The following TMEM204 variants were observed in gnomAD, a reference collection of about 807,000 sequenced individuals.
TMEM204 encodes the protein claudin-like protein 24.
In TMEM204, 15 loss-of-function variants were observed where a neutral mutation model predicts 19.4. The observed-to-expected ratio is 0.77, with a 90% CI of 0.52 to 1.19. The LOEUF is 1.19. TMEM204 is among the 50% of genes most tolerant of loss of function. The pLI is 0.00. For synonymous variants in TMEM204, 161 were observed against 146.0 expected (o/e 1.10, Z -0.74); for missense variants, 287 against 321.2 (o/e 0.89, Z 0.81).
intron 1 of TMEM204, 51 bp downstream of exon 1, chr16:1,534,606 C>T: frequency 6.3e-7 from 1 of 1,597,072 alleles, no homozygotes; most frequent in Non-Finnish European, 8.5e-7. Flanking sequence ...GGCTCGAGGG[C>T]ACATGGGAGA....
At chr16:1,545,668 GGA>G (rs2032110408) in intron 2 of TMEM204, among the ~76,000 whole-genome samples, 1 of 152,230 alleles carries the variant, frequency 6.6e-6, no homozygotes, top group African/African-American at 2.4e-5. Context: ...TGGGCAGTGG[GGA>G]GAGAAGATGC....
Position 1,534,291 on chromosome 16 carries a change from C to T in TMEM204, c.16C>T (p.Leu6Phe), listed in dbSNP as rs370718011. MTVQRLVAAAVLVALV... is the reference protein window; with the variant it reads MTVQRFVAAAVLVALV... ...GGCGTCAGCGATGACCGTGCAGAGA[C>T]TCGTGGCCGCGGCCGTGCTGGTGGC... Residue 6 changes from leucine (L) to phenylalanine (F), a missense_variant, in exon 1 of 3, where the codon CTC (leucine) becomes TTC (phenylalanine). By Grantham distance (22) the Leu-to-Phe change is conservative (BLOSUM62 0). Coordinates refer to ENST00000566264, the MANE Select transcript of TMEM204 (RefSeq NM_024600.6). 12 of 1,612,196 alleles carry T rather than the reference C, an allele frequency of 7.4e-6. No individual in the cohort carries two copies. Among genetic ancestry groups the T allele is most frequent in the African/African-American group, 6.7e-5 (5 of 74,920 alleles).
In TMEM204 at chr16:1,545,359, C is replaced by T. The variant is rs556184262; in HGVS notation, c.436+3283C>T. Among the ~76,000 whole-genome samples, 46 of 152,304 alleles carry T rather than the reference C, an allele frequency of 3.0e-4. 1 individual carries two copies. Among genetic ancestry groups the T allele is most frequent in the African/African-American group, 1.0e-3 (42 of 41,580 alleles). ...TGGCTTTTCTTGCCCCCACAGGCCA[C>T]CTCTCCCCCTCAGTGTCCAACCATC... On this transcript the variant is annotated intron_variant, in intron 2 of 2. Coordinates refer to ENST00000566264, the MANE Select transcript of TMEM204 (RefSeq NM_024600.6).
chr16:1,541,605 A>G (rs554008776), intron 1 of TMEM204: 1 of 582,774 alleles, frequency 1.7e-6, no homozygotes. Flanking sequence ...TCAAGGGTCA[A>G]GTCAGGCAGA....
chr16:1,552,648 CTTTT>C (rs11409894), intron 2 of TMEM204, among the ~76,000 whole-genome samples: 6 of 127,564 alleles, frequency 4.7e-5, no homozygotes, highest in Admixed American at 8.3e-5. Flanking sequence ...AAAGAGAATG[CTTTT>C]TTTTTTTTTT....
chr16:1,544,148 G>T (rs1596335391), intron 2 of TMEM204, among the ~76,000 whole-genome samples: 1 of 150,550 alleles, frequency 6.6e-6, no homozygotes, highest in African/African-American at 2.4e-5. Flanking sequence ...CTCCCGTGTA[G>T]GTGGGATTGC....
upstream of TMEM204, chr16:1,531,053 G>C (rs1439068927): frequency 1.3e-5 from 2 of 152,404 alleles, no homozygotes; most frequent in African/African-American, 4.8e-5. The surrounding 1 kb of genome is among the most constrained non-coding windows in gnomAD (Gnocchi z 4.7). Flanking sequence ...CCTCCTGCTC[G>C]AGGGCACCAG....
At chr16:1,541,874 T>C (rs2031677599) in intron 1 of TMEM204, 47 bp from the exon 2 acceptor site, 1 of 1,511,916 alleles carries the variant, frequency 6.6e-7, no homozygotes, top group African/African-American at 1.4e-5. Context: ...GCGTGGCCTC[T>C]GGAGCCCACC....
intron 2 of TMEM204, among the ~76,000 whole-genome samples, chr16:1,550,258 G>T (rs1398815313): frequency 6.6e-6 from 1 of 152,184 alleles, no homozygotes; most frequent in Non-Finnish European, 1.5e-5. Flanking sequence ...TCTATATTTA[G>T]AAACAGTGTT....
rs1162594473 is a variant in TMEM204, at chr16:1,555,203, G to A, written c.*177G>A. ...GCGTTTACTGTTATGTCGGTCATAT[G>A]TCTGTACGTGTCGTGGGCCAACCTC... On this transcript the variant is annotated 3_prime_UTR_variant, in exon 3 of 3. Coordinates refer to ENST00000566264, the MANE Select transcript of TMEM204 (RefSeq NM_024600.6). 2 of 798,486 alleles carry A rather than the reference G, an allele frequency of 2.5e-6. No homozygotes were observed. Among genetic ancestry groups the A allele is most frequent in the Non-Finnish European group, 3.8e-6 (2 of 522,820 alleles). The allele number at this position is 798,486 out of a possible 1,614,324, so 49.5% of individuals were successfully genotyped here.
In TMEM204 at chr16:1,541,448, C is replaced by T. The variant is rs542529205; in HGVS notation, c.281-473C>T. On this transcript the variant is annotated intron_variant, in intron 1 of 2. Transcript: ENST00000566264. Reference sequence around the variant, plus strand: ...CGCTTGGGGGTCGGGCAGCTGAGCACGCAGGACAGCACGCCTGAGGAGCTG... The same window carrying T: ...CGCTTGGGGGTCGGGCAGCTGAGCATGCAGGACAGCACGCCTGAGGAGCTG... 3.0e-4 allele frequency: 291 copies of T among 985,390 alleles called. 3 individuals are homozygous for T. The South Asian group carries it at 9.5e-3, about 32-fold the overall frequency. The allele number at this position is 985,390 out of a possible 1,614,324, so 61.0% of individuals were successfully genotyped here.
chr16:1,534,937 G>C (rs2030911908), intron 1 of TMEM204, among the ~76,000 whole-genome samples: 1 of 152,186 alleles, frequency 6.6e-6, no homozygotes. Context: ...GGGCGCAGTG[G>C]TTCACGTCTG....
chr16:1,529,219 CA>C (rs1233550694), upstream of TMEM204, among the ~76,000 whole-genome samples: 1 of 152,234 alleles, frequency 6.6e-6, no homozygotes, highest in Non-Finnish European at 1.5e-5. Flanking sequence ...GTCTTAGCAG[CA>C]ACCAACCTGG....
intron 1 of TMEM204, chr16:1,540,722 T>A (rs2031553449): frequency 1.7e-6 from 1 of 587,276 alleles, no homozygotes; most frequent in Admixed American, 6.3e-5. Flanking sequence ...GATTCCTGCA[T>A]CAGTTACCTG....
chr16:1,553,321 T>G lies in TMEM204; in HGVS notation c.437-1461T>G. The G allele has an allele frequency of 1.0e-6, 1 of 985,260 alleles. No individual in the cohort carries two copies. The highest frequency in any genetic ancestry group is 4.7e-5 in the South Asian group (1 of 21,284). The allele number at this position is 985,260 out of a possible 1,614,324, so 61.0% of individuals were successfully genotyped here. A position where few individuals can be genotyped will look rare whatever the true frequency, so the allele number is the denominator to read the frequency against. ...CTCTCTGTGTCTCTGTCTCTGTGTC[T>G]CTGTCCCTGTGTCTCTTTTTCTCCC... On this transcript the variant is annotated intron_variant, in intron 2 of 2. Coordinates refer to ENST00000566264, the MANE Select transcript of TMEM204 (RefSeq NM_024600.6). The surrounding 1 kb of genome is among the most constrained non-coding windows in gnomAD (Gnocchi z 4.4).
At position 1,553,439 on chromosome 16, in the gene TMEM204, T is replaced by C; in HGVS notation, c.437-1343T>C. On this transcript the variant is annotated intron_variant, in intron 2 of 2. Coordinates refer to ENST00000566264, the MANE Select transcript of TMEM204 (RefSeq NM_024600.6). This position sits in a 1 kb window ranked among gnomAD's most constrained non-coding sequence, Gnocchi z 4.4. ...GCGGTTGGGAGTGGAGAGACCGGCA[T>C]GAACAGACGCACAGGTGTCAACATG... 1 of 985,390 alleles carries C rather than the reference T, an allele frequency of 1.0e-6. No homozygotes were observed. The highest frequency in any genetic ancestry group is 4.7e-5 in the South Asian group (1 of 21,280). The allele number at this position is 985,390 out of a possible 1,614,324, so 61.0% of individuals were successfully genotyped here. A position where few individuals can be genotyped will look rare whatever the true frequency, so the allele number is the denominator to read the frequency against.
intron 2 of TMEM204, among the ~76,000 whole-genome samples, chr16:1,543,074 C>T (rs2031803180): frequency 6.6e-6 from 1 of 152,232 alleles, no homozygotes; most frequent in South Asian, 2.1e-4. Context: ...CTGGGGCAGG[C>T]TCAGGTCTCC....
chr16:1,550,337 C>T (rs759307215), intron 2 of TMEM204, among the ~76,000 whole-genome samples: 6 of 152,208 alleles, frequency 3.9e-5, no homozygotes, highest in Non-Finnish European at 7.3e-5. Context: ...CAACCATGCA[C>T]AGGGAGGTCA....
At chr16:1,536,849 C>T (rs183748810) in intron 1 of TMEM204, among the ~76,000 whole-genome samples, 65 of 152,358 alleles carry the variant, frequency 4.3e-4, no homozygotes, top group Non-Finnish European at 7.6e-4. Context: ...CAGCAACATT[C>T]GCTGCCCCCA....
Sources: gnomAD v4.1 joint callset for allele counts (sites outside exome capture counted in the v4.1 genomes callset) on GRCh38, gnomAD v4.1.1 for gene constraint, Gnocchi (gnomAD v3.1) non-coding constraint, MANE v1.5 for transcripts, NCBI Gene and HGNC (gene_info 2026-07-23, HGNC 2026-07-21) for gene names.